KLF8: variants seen among roughly 807,000 people sequenced by gnomAD.
KLF8 encodes KLF transcription factor 8, also known as Krueppel-like factor 8.
Under a neutral mutation model 18.2 loss-of-function variants are expected in KLF8, and 10 were observed. The observed-to-expected ratio is 0.55, with a 90% CI of 0.34 to 0.93. The LOEUF is 0.93. KLF8 is among the 40% of genes least tolerant of loss of function. The probability of loss-of-function intolerance (pLI) is 0.02; values close to 1 mark genes in which losing one functional copy is unlikely to be tolerated. For synonymous variants in KLF8, 109 were observed against 97.3 expected (o/e 1.12, Z -0.71); for missense variants, 264 against 277.9 (o/e 0.95, Z 0.36).
the KLF8 span, among the ~76,000 whole-genome samples, chrX:56,142,991 G>A: frequency 6.3e-5 from 7 of 111,935 alleles, no homozygotes; most frequent in African/African-American, 2.3e-4. Flanking sequence ...ATATGGATCA[G>A]ACATTGTCAC....
the KLF8 span, among the ~76,000 whole-genome samples, chrX:56,032,300 G>A: frequency 1.1e-4 from 12 of 111,716 alleles, no homozygotes; most frequent in South Asian, 3.8e-3. Flanking sequence ...TTTGGTTTTT[G>A]TTGTATATGC....
chrX:56,127,448 C>T, the KLF8 span, among the ~76,000 whole-genome samples: 1 of 110,704 alleles, frequency 9.0e-6, no homozygotes, highest in African/African-American at 3.3e-5. Context: ...ATTCCTTGAG[C>T]CCAGGAGTTT....
chrX:55,922,366 A>G, the KLF8 span, among the ~76,000 whole-genome samples: 1 of 112,705 alleles, frequency 8.9e-6, no homozygotes, highest in Non-Finnish European at 1.9e-5. Context: ...ACAGGAACGG[A>G]AAACCAAACA....
the KLF8 span, among the ~76,000 whole-genome samples, chrX:56,055,144 C>T: frequency 1.8e-5 from 2 of 111,492 alleles, no homozygotes; most frequent in African/African-American, 6.5e-5. Context: ...ATTTTTCAGA[C>T]TTGTTTATGT....
At chrX:56,091,296 C>A in the KLF8 span, among the ~76,000 whole-genome samples, 2 of 110,378 alleles carry the variant, frequency 1.8e-5, no homozygotes, top group African/African-American at 6.6e-5. Flanking sequence ...CACCTGCCGC[C>A]GTGTAAGACA....
the KLF8 span, among the ~76,000 whole-genome samples, chrX:55,952,322 T>G: frequency 8.9e-6 from 1 of 112,375 alleles, no homozygotes; most frequent in African/African-American, 3.2e-5. Context: ...CTATATTAAT[T>G]TCCTATTGTT....
chrX:56,185,118 A>C, the KLF8 span, among the ~76,000 whole-genome samples: 1 of 112,240 alleles, frequency 8.9e-6, no homozygotes, highest in East Asian at 2.8e-4. Context: ...AGAAGTTAAA[A>C]ACTTTGAAAA....
the KLF8 span, among the ~76,000 whole-genome samples, chrX:56,031,820 G>C: frequency 4.5e-5 from 5 of 111,313 alleles, no homozygotes; most frequent in South Asian, 1.9e-3. Context: ...CTCAAAATCC[G>C]AGCTCCCCGA....
chrX:55,972,136 AC>A, the KLF8 span, among the ~76,000 whole-genome samples: 10 of 111,828 alleles, frequency 8.9e-5, no homozygotes, highest in African/African-American at 3.2e-4. Context: ...TTTTTAAGCA[AC>A]CTAAGTGTCT....
chrX:56,051,684 C>G, the KLF8 span, among the ~76,000 whole-genome samples: 1 of 110,307 alleles, frequency 9.1e-6, no homozygotes, highest in South Asian at 3.8e-4. Context: ...CGACCTTTCT[C>G]TCTGGCTGCC....
chrX:55,949,688 G>A, the KLF8 span, among the ~76,000 whole-genome samples: 1 of 109,625 alleles, frequency 9.1e-6, no homozygotes. Flanking sequence ...CTACTCGGGA[G>A]GCTAAGGCAG....
At chrX:56,076,152 T>A in the KLF8 span, among the ~76,000 whole-genome samples, 1 of 107,524 alleles carries the variant, frequency 9.3e-6, no homozygotes. Flanking sequence ...AATTTTTTTT[T>A]ATTATACTTG....
At chrX:55,998,502 G>A in the KLF8 span, among the ~76,000 whole-genome samples, 1 of 112,431 alleles carries the variant, frequency 8.9e-6, no homozygotes, top group African/African-American at 3.2e-5. Context: ...CTTAAAGAGC[G>A]TGTTGCCTTC....
the KLF8 span, among the ~76,000 whole-genome samples, chrX:56,035,197 A>G: frequency 2.4e-3 from 270 of 112,075 alleles, no homozygotes; most frequent in Admixed American, 8.1e-3. Flanking sequence ...TACCTTCCAC[A>G]TATGACTGAG....
At chrX:56,116,634 G>GAT in the KLF8 span, among the ~76,000 whole-genome samples, 7,675 of 77,891 alleles carry the variant, frequency 0.099, 331 homozygotes, top group Admixed American at 0.14. Flanking sequence ...ATGATGTTCT[G>GAT]ATATATATAT....
intron 2 of KLF8, among the ~76,000 whole-genome samples, chrX:56,254,364 C>T (rs934729070): frequency 3.6e-5 from 4 of 111,205 alleles, no homozygotes; most frequent in Admixed American, 9.5e-5. Context: ...CTTTGGGCAC[C>T]GGCAGGAGCA....
At chrX:55,932,633 G>A in the KLF8 span, among the ~76,000 whole-genome samples, 2 of 111,602 alleles carry the variant, frequency 1.8e-5, no homozygotes, top group Non-Finnish European at 3.8e-5. Flanking sequence ...ATGAAGCTCA[G>A]TTTGGCTGGA....
the KLF8 span, among the ~76,000 whole-genome samples, chrX:55,946,752 A>G: frequency 9.0e-6 from 1 of 111,515 alleles, no homozygotes; most frequent in Non-Finnish European, 1.9e-5. Flanking sequence ...CAAAGCGCTA[A>G]TATCCAGAAT....
At chrX:55,983,010 G>A in the KLF8 span, among the ~76,000 whole-genome samples, 316 of 111,661 alleles carry the variant, frequency 2.8e-3, 1 homozygote, top group Middle Eastern at 4.6e-3. Flanking sequence ...TCAAGTCAAC[G>A]TGGAAATCTA....
Sources: gnomAD v4.1 joint callset for allele counts (sites outside exome capture counted in the v4.1 genomes callset) on GRCh38, gnomAD v4.1.1 for gene constraint, MANE v1.5 for transcripts, NCBI Gene and HGNC (gene_info 2026-07-23, HGNC 2026-07-21) for gene names.